Variants in SREK1 observed in about 807,000 individuals in gnomAD.
SREK1 encodes the protein splicing regulatory glutamic acid and lysine rich protein 1, also known as splicing regulatory glutamine/lysine-rich protein 1.
In SREK1, 13 loss-of-function variants were observed where a neutral mutation model predicts 66.5. The ratio of observed to expected loss-of-function variants is 0.20; its 90% CI spans 0.13 to 0.31. The LOEUF is 0.31. Ranked by LOEUF, SREK1 falls within the 10% of genes least tolerant of loss-of-function variation. SREK1 has a pLI of 1.00. For missense variants in SREK1, 607 were observed against 769.6 expected (o/e 0.79, Z 2.50); for synonymous variants, 265 against 263.5 (o/e 1.01, Z -0.05).
intron 2 of SREK1, among the ~76,000 whole-genome samples, chr5:66,155,462 G>A (rs1479414779): frequency 6.6e-6 from 1 of 152,180 alleles, no homozygotes; most frequent in Non-Finnish European, 1.5e-5. Flanking sequence ...TACTGATTAT[G>A]CACTACAAGC....
At chr5:66,157,557 T>C (rs1744392950) in intron 2 of SREK1, 9 of 975,244 alleles carry the variant, frequency 9.2e-6, no homozygotes, top group Non-Finnish European at 1.1e-5. Context: ...ATATAAATAG[T>C]ATAGTGTATA....
intron 7 of SREK1, 59 bp downstream of exon 7, chr5:66,164,956 G>A (rs1745057375): frequency 1.4e-6 from 2 of 1,474,834 alleles, no homozygotes; most frequent in East Asian, 5.0e-5. Context: ...AAAATATTAA[G>A]ATTTTATGAG....
At chr5:66,176,026 G>A (rs1301309543) in intron 10 of SREK1, among the ~76,000 whole-genome samples, 1 of 152,116 alleles carries the variant, frequency 6.6e-6, no homozygotes, top group Non-Finnish European at 1.5e-5. Flanking sequence ...GATTATGATA[G>A]AACTTTCCCA....
intron 6 of SREK1, chr5:66,164,206 T>C: frequency 6.1e-6 from 2 of 328,420 alleles, no homozygotes; most frequent in South Asian, 4.0e-5. Flanking sequence ...AAAAATGTTA[T>C]TGCAAGGCTA....
intron 6 of SREK1, 122 bp downstream of exon 6, chr5:66,164,044 C>A: frequency 2.5e-6 from 3 of 1,205,736 alleles, no homozygotes; most frequent in South Asian, 1.6e-5. Flanking sequence ...GACTGAAACT[C>A]AAGAAATAGT....
At position 66,181,409 on chromosome 5, in the gene SREK1, G is replaced by T. The variant is rs1015323014; in HGVS notation, c.*2541G>T. Reference sequence around the variant, plus strand: ...TTATTCTTTTCTTTCAGGGTATTTTGTTTTTTTCTTTAAGACTTCTTTTTT... The same window carrying T: ...TTATTCTTTTCTTTCAGGGTATTTTTTTTTTTTCTTTAAGACTTCTTTTTT... On this transcript the variant is annotated 3_prime_UTR_variant, in exon 12 of 12. Transcript: ENST00000334121. The T allele has an allele frequency of 3.3e-5, 5 of 152,008 alleles. No individual in the cohort carries two copies. The highest frequency in any genetic ancestry group is 7.4e-5 in the Non-Finnish European group (5 of 67,992). 9.4% of individuals were successfully genotyped at this position (152,008 alleles called of 1,614,324 possible).
chr5:66,170,445 T>G lies in SREK1; in HGVS notation c.1122-140T>G, dbSNP rs574550527. ...TTTGTTTAGCAGCTTCTTGTACACC[T>G]GAGCTATATAAAAATGTATATGTAA... On this transcript the variant is annotated intron_variant, in intron 8 of 11. Coordinates refer to ENST00000334121, the MANE Select transcript of SREK1 (RefSeq NM_001077199.3). 1.9e-4 allele frequency: 233 copies of G among 1,204,066 alleles called. No individual in the cohort carries two copies. The African/African-American group carries it at 3.4e-3, about 18-fold the overall frequency. The allele number at this position is 1,204,066 out of a possible 1,614,324, so 74.6% of individuals were successfully genotyped here.
intron 8 of SREK1, 26 bp downstream of exon 8, chr5:66,170,196 ATTT>A: frequency 6.3e-7 from 1 of 1,590,116 alleles, no homozygotes; most frequent in Non-Finnish European, 8.6e-7. Context: ...ATTAACAATA[ATTT>A]TTTTTTCCTC....
Position 66,178,836 on chromosome 5 carries a change from G to C in SREK1, c.1843G>C (p.Glu615Gln). Residue 615 changes from glutamate to glutamine, a missense_variant, in exon 12 of 12, where the codon GAA becomes CAA. Glu to Gln is a conservative substitution (Grantham distance 29). Around this residue, in one of 5 missense-constraint regions of SREK1, gnomAD observed 318 missense variants for 310.3 expected, o/e 1.02. Transcript: ENST00000334121. ...QHNGNCQLNEENLSTKTEAV is the reference protein window; with the variant it reads ...QHNGNCQLNEQNLSTKTEAV Reference sequence around the variant, plus strand: ...CAATGGGAATTGTCAGCTGAATGAAGAAAACCTCTCTACCAAAACAGAAGC... The same window carrying C: ...CAATGGGAATTGTCAGCTGAATGAACAAAACCTCTCTACCAAAACAGAAGC... The C allele has an allele frequency of 6.2e-7, 1 of 1,612,368 alleles. No individual in the cohort carries two copies. Among genetic ancestry groups the C allele is most frequent in the African/African-American group, 1.3e-5 (1 of 74,946 alleles).
In SREK1 at chr5:66,163,814, A is replaced by G; in HGVS notation, c.778A>G (p.Ile260Val). The G allele has an allele frequency of 6.2e-7, 1 of 1,613,266 alleles. No homozygotes were observed. Among genetic ancestry groups the G allele is most frequent in the Non-Finnish European group, 8.5e-7 (1 of 1,179,474 alleles). The change falls in exon 6 of 12, where the codon ATA becomes GTA. Residue 260 changes from isoleucine to valine, a missense_variant. Transcript: ENST00000334121. ...TAGAATAAATCACTCCAACAATGCA[A>G]TAGTAAAACCCCCTGAGATGACACC... ...PLKINHSNNAIVKPPEMTPQA... is the reference protein window; with the variant it reads ...PLKINHSNNAVVKPPEMTPQA...
chr5:66,170,495 C>T, intron 8 of SREK1, 90 bp from the exon 9 acceptor site: 1 of 1,434,624 alleles, frequency 7.0e-7, no homozygotes. Flanking sequence ...TATAAATTGT[C>T]TTGTGTTGGT....
chr5:66,169,979 A>G, intron 7 of SREK1, 72 bp from the exon 8 acceptor site: 1 of 1,271,974 alleles, frequency 7.9e-7, no homozygotes, highest in Non-Finnish European at 1.1e-6. Context: ...TACTGTTAGG[A>G]TAGATTTTAA....
In SREK1 at chr5:66,164,502, A is replaced by G. The variant is rs984584211; in HGVS notation, c.887-281A>G. On this transcript the variant is annotated intron_variant, in intron 6 of 11. Transcript: ENST00000334121. ...AGAATAAGTGGAGAAAGGACTTAAAATCACTGTCACAGGAATTACAGACAT... is the reference window on the plus strand; with the variant it reads ...AGAATAAGTGGAGAAAGGACTTAAAGTCACTGTCACAGGAATTACAGACAT... 7 of 1,177,948 alleles carry G rather than the reference A, an allele frequency of 5.9e-6. No individual in the cohort carries two copies. In the African/African-American group the frequency reaches 1.1e-4, roughly 18 times the overall value. The allele number at this position is 1,177,948 out of a possible 1,614,324, so 73.0% of individuals were successfully genotyped here.
Position 66,175,010 on chromosome 5 carries a change from A to G in SREK1, c.1549A>G (p.Arg517Gly), listed in dbSNP as rs1004624004. Residue 517 changes from arginine to glycine, a missense_variant, in exon 10 of 12, where the codon AGG (arginine) becomes GGG (glycine). Around this residue, in one of 5 missense-constraint regions of SREK1, gnomAD observed 318 missense variants for 310.3 expected, o/e 1.02. Transcript: ENST00000334121. ...GCCAAGAACATCAAAAACCATAAAA[A>G]GGAAATCTTCTAGATCTCCGTCCCC... Reference protein sequence around the residue: ...RSPRTSKTIKRKSSRSPSPRS... With the variant: ...RSPRTSKTIKGKSSRSPSPRS... 1 of 1,612,946 alleles carries G rather than the reference A, an allele frequency of 6.2e-7. No individual in the cohort carries two copies. Among genetic ancestry groups the G allele is most frequent in the Non-Finnish European group, 8.5e-7 (1 of 1,179,304 alleles).
rs60920757 is a variant in SREK1, at chr5:66,151,834, C to CTTTT, written c.162-1603_162-1600dup. 8.6e-4 allele frequency among the ~76,000 whole-genome samples: 73 copies of CTTTT among 84,788 alleles called. 8 individuals are homozygous for CTTTT. The highest frequency in any genetic ancestry group is 2.1e-3 in the African/African-American group (49 of 23,678). 55.6% of individuals were successfully genotyped at this position (84,788 alleles called of 152,430 possible). A position where few individuals can be genotyped will look rare whatever the true frequency, so the allele number is the denominator to read the frequency against. ...TGAGTTGGATGCTAAGAGGTACATC[C>CTTTT]TTTTTTTTTTTTTTTTTTTTTTTTT... On this transcript the variant is annotated intron_variant, in intron 1 of 11. Transcript: ENST00000334121.
chr5:66,170,034 C>T lies in SREK1; in HGVS notation c.1002-17C>T, dbSNP rs373409133. 4.0e-6 allele frequency: 6 copies of T among 1,502,724 alleles called. No homozygotes were observed. Among genetic ancestry groups the T allele is most frequent in the Non-Finnish European group, 5.3e-6 (6 of 1,123,424 alleles). 93.1% of individuals were successfully genotyped at this position (1,502,724 alleles called of 1,614,324 possible). On this transcript the variant is annotated splice_polypyrimidine_tract_variant and intron_variant, in intron 7 of 11. Coordinates refer to ENST00000334121, the MANE Select transcript of SREK1 (RefSeq NM_001077199.3). Reference sequence around the variant, plus strand: ...CGTAAATTAAGTTTTGATATTCTAACAATTTTTTTTCTTTAGGAGTAGATC... The same window carrying T: ...CGTAAATTAAGTTTTGATATTCTAATAATTTTTTTTCTTTAGGAGTAGATC...
chr5:66,154,887 C>T (rs756251195), intron 2 of SREK1, among the ~76,000 whole-genome samples: 4 of 152,092 alleles, frequency 2.6e-5, no homozygotes, highest in African/African-American at 7.2e-5. Context: ...TGAATGGTTT[C>T]GTTCTACAAA....
At chr5:66,144,899 C>T (rs1441400335) in intron 1 of SREK1, 2 of 1,003,894 alleles carry the variant, frequency 2.0e-6, no homozygotes, top group Non-Finnish European at 2.4e-6. Flanking sequence ...GCAAACGTCT[C>T]AGAGCGTTTT....
At chr5:66,159,159 A>G (rs1026730127) in intron 2 of SREK1, 60 bp from the exon 3 acceptor site, 12 of 1,553,884 alleles carry the variant, frequency 7.7e-6, no homozygotes, top group Non-Finnish European at 1.0e-5. Context: ...TTGTAAAATC[A>G]TAGTGTAAAG....
Sources: gnomAD v4.1 joint callset for allele counts (sites outside exome capture counted in the v4.1 genomes callset) on GRCh38, gnomAD v4.1.1 for gene constraint, gnomAD v4.1.1 regional missense constraint, MANE v1.5 for transcripts, NCBI Gene and HGNC (gene_info 2026-07-23, HGNC 2026-07-21) for gene names.